Variants in PTPRD observed in about 807,000 individuals in gnomAD.
PTPRD encodes protein tyrosine phosphatase receptor type D.
PTPRD carries 34 observed loss-of-function variants against 214.5 expected under a neutral mutation model. That is an observed-to-expected ratio of 0.16 (90% CI 0.12 to 0.21). The LOEUF (loss-of-function observed/expected upper bound fraction) is 0.21. PTPRD is among the 10% of genes least tolerant of loss of function. The probability of loss-of-function intolerance (pLI) is 1.00; values close to 1 mark genes in which losing one functional copy is unlikely to be tolerated. For synonymous variants in PTPRD, 1,128 were observed against 845.7 expected (o/e 1.33, Z -5.79); for missense variants, 2,545 against 2,398.7 (o/e 1.06, Z -1.27).
chr9:8,867,676 G>A (rs564993078), intron 11 of PTPRD, among the ~76,000 whole-genome samples: 1 of 152,324 alleles, frequency 6.6e-6, no homozygotes, highest in African/African-American at 2.4e-5. Context: ...AATGCTGAAA[G>A]CAATAATATT....
At chr9:10,275,752 A>G (rs1326552061) in intron 3 of PTPRD, among the ~76,000 whole-genome samples, 1 of 152,164 alleles carries the variant, frequency 6.6e-6, no homozygotes, top group Non-Finnish European at 1.5e-5. Flanking sequence ...TGGTCACGTT[A>G]ACAAATCAGA....
chr9:9,498,049 A>T (rs1310764727), intron 8 of PTPRD, among the ~76,000 whole-genome samples: 1 of 152,068 alleles, frequency 6.6e-6, no homozygotes, highest in Non-Finnish European at 1.5e-5. Context: ...ATTCAAAGGG[A>T]TCTTTAAGTG....
At chr9:8,666,421 G>T (rs1005705683) in intron 12 of PTPRD, among the ~76,000 whole-genome samples, 5 of 151,964 alleles carry the variant, frequency 3.3e-5, no homozygotes, top group African/African-American at 1.2e-4. Context: ...TTATGTGAAA[G>T]GGAAAAAAAG....
At chr9:9,344,437 A>C (rs1229125836) in intron 9 of PTPRD, among the ~76,000 whole-genome samples, 1 of 152,080 alleles carries the variant, frequency 6.6e-6, no homozygotes, top group Non-Finnish European at 1.5e-5. Flanking sequence ...TGGCACATGT[A>C]TGCTTATGTG....
At chr9:9,806,268 C>A (rs1049952833) in intron 5 of PTPRD, among the ~76,000 whole-genome samples, 15 of 149,990 alleles carry the variant, frequency 1.0e-4, no homozygotes. Context: ...TGGTTGTAGA[C>A]AGTGCCAAAA....
intron 27 of PTPRD, among the ~76,000 whole-genome samples, chr9:8,491,126 C>T (rs563645667): frequency 3.9e-5 from 6 of 152,348 alleles, no homozygotes; most frequent in African/African-American, 1.4e-4. Context: ...CTGCCTTCTT[C>T]CCAGATGCAG....
chr9:9,242,731 T>C (rs1172000868), intron 9 of PTPRD, among the ~76,000 whole-genome samples: 5 of 152,084 alleles, frequency 3.3e-5, no homozygotes, highest in Non-Finnish European at 5.9e-5. Flanking sequence ...TTATTCTAGT[T>C]AGCCATTCAT....
chr9:9,107,983 A>C (rs1025997854), intron 10 of PTPRD, among the ~76,000 whole-genome samples: 1 of 152,016 alleles, frequency 6.6e-6, no homozygotes, highest in East Asian at 1.9e-4. Context: ...CTCCCTCAAA[A>C]TTTTCATTAA....
intron 2 of PTPRD, among the ~76,000 whole-genome samples, chr9:10,351,138 G>A (rs937302329): frequency 6.6e-6 from 1 of 152,028 alleles, no homozygotes; most frequent in Non-Finnish European, 1.5e-5. Flanking sequence ...AAAATTTGAG[G>A]CATTAAGCAT....
In PTPRD at chr9:8,693,371, C is replaced by T. The variant is rs188937497; in HGVS notation, c.64+40409G>A. ...AACATATCCTTCTTCTCCATGTTGA[C>T]GTACGCCAATGAAAATAAACTGGGA... On this transcript the variant is annotated intron_variant, in intron 12 of 45. Transcript: ENST00000381196. 5.5e-4 allele frequency among the ~76,000 whole-genome samples: 83 copies of T among 152,264 alleles called. 1 individual carries two copies. The highest frequency in any genetic ancestry group is 1.9e-3 in the African/African-American group (77 of 41,558).
At chr9:8,493,962 G>T (rs545864631) in intron 26 of PTPRD, among the ~76,000 whole-genome samples, 1 of 150,784 alleles carries the variant, frequency 6.6e-6, no homozygotes, top group African/African-American at 2.4e-5. Flanking sequence ...ACATGCGCGC[G>T]TACACAGACA....
chr9:10,124,387 A>G (rs1265333815), intron 3 of PTPRD, among the ~76,000 whole-genome samples: 1 of 152,196 alleles, frequency 6.6e-6, no homozygotes, highest in Non-Finnish European at 1.5e-5. Context: ...TATGCAGCTA[A>G]ATGCATTAAT....
intron 10 of PTPRD, among the ~76,000 whole-genome samples, chr9:9,067,439 G>C (rs1029276575): frequency 3.9e-5 from 6 of 152,146 alleles, no homozygotes; most frequent in Non-Finnish European, 8.8e-5. Context: ...CATTGTGTGT[G>C]TCATAATAGT....
At chr9:9,054,452 A>G (rs1424143459) in intron 10 of PTPRD, among the ~76,000 whole-genome samples, 1 of 152,188 alleles carries the variant, frequency 6.6e-6, no homozygotes, top group Admixed American at 6.5e-5. Context: ...TAAAATTATC[A>G]TGACGTTTAC....
intron 11 of PTPRD, among the ~76,000 whole-genome samples, chr9:8,831,251 T>C (rs1350125775): frequency 6.6e-6 from 1 of 152,214 alleles, no homozygotes; most frequent in Non-Finnish European, 1.5e-5. Flanking sequence ...GACATTCTCT[T>C]TTCTGATGAT....
intron 10 of PTPRD, among the ~76,000 whole-genome samples, chr9:9,107,320 C>T (rs970119355): frequency 6.6e-6 from 1 of 152,142 alleles, no homozygotes; most frequent in Non-Finnish European, 1.5e-5. Flanking sequence ...AAATTTGTCA[C>T]ACTGCTGGCG....
rs138417932 is a variant in PTPRD, at chr9:9,067,293, T to C, written c.-142-48558A>G. On this transcript the variant is annotated intron_variant, in intron 10 of 45. Transcript: ENST00000381196. ...TCTTAATACTGTAAGAATTTTCAAC[T>C]GTATTTTTGTGTTTATTACAGAAGT... Among the ~76,000 whole-genome samples, 1,230 of 152,342 alleles carry C rather than the reference T, an allele frequency of 8.1e-3. 15 individuals carry two copies. The highest frequency in any genetic ancestry group is 0.027 in the African/African-American group (1,131 of 41,578).
chr9:8,758,565 G>A (rs1321391856), intron 11 of PTPRD, among the ~76,000 whole-genome samples: 1 of 152,160 alleles, frequency 6.6e-6, no homozygotes, highest in African/African-American at 2.4e-5. Context: ...ATTTTGGGCT[G>A]TCACACAGAA....
intron 13 of PTPRD, among the ~76,000 whole-genome samples, chr9:8,635,081 TTA>T (rs1393374403): frequency 6.8e-6 from 1 of 147,572 alleles, no homozygotes; most frequent in Non-Finnish European, 1.5e-5. Flanking sequence ...TAAATATATA[TTA>T]TATATATATT....
Sources: allele counts gnomAD v4.1 joint callset (sites outside exome capture counted in the v4.1 genomes callset), GRCh38; gene constraint gnomAD v4.1.1; transcripts MANE v1.5; gene names NCBI Gene and HGNC (gene_info 2026-07-23, HGNC 2026-07-21).